Variants in GPM6A observed in about 807,000 individuals in gnomAD.
The protein encoded by GPM6A is glycoprotein M6A.
GPM6A carries 7 observed loss-of-function variants against 32.1 expected under a neutral mutation model. The ratio of observed to expected loss-of-function variants is 0.22; its 90% CI spans 0.12 to 0.41. The LOEUF (loss-of-function observed/expected upper bound fraction) is 0.41. Among genes scored for constraint, GPM6A ranks in the 10% least tolerant of loss-of-function variants. GPM6A has a pLI of 1.00. For missense variants in GPM6A, 235 were observed against 347.2 expected (o/e 0.68, Z 2.57); for synonymous variants, 130 against 123.4 (o/e 1.05, Z -0.35).
At chr4:175,791,509 G>C (rs1241727621) in intron 1 of GPM6A, among the ~76,000 whole-genome samples, 1 of 152,134 alleles carries the variant, frequency 6.6e-6, no homozygotes, top group Admixed American at 6.5e-5. Context: ...TGGATGTATT[G>C]TTATAAATGT....
intron 1 of GPM6A, among the ~76,000 whole-genome samples, chr4:175,756,795 G>A (rs1252270013): frequency 6.6e-6 from 1 of 152,024 alleles, no homozygotes; most frequent in Non-Finnish European, 1.5e-5. Context: ...AATACTCTAG[G>A]TGATAAGCAA....
intron 1 of GPM6A, among the ~76,000 whole-genome samples, chr4:175,702,770 C>G (rs1403066917): frequency 1.3e-5 from 2 of 152,062 alleles, no homozygotes; most frequent in African/African-American, 4.8e-5. Context: ...TGAACTTTGA[C>G]CAGCAAATAT....
chr4:175,739,350 T>A (rs1731790361), intron 1 of GPM6A, among the ~76,000 whole-genome samples: 1 of 152,274 alleles, frequency 6.6e-6, no homozygotes, highest in East Asian at 1.9e-4. Flanking sequence ...TACCTATAGA[T>A]GGAAGTTGTT....
intron 1 of GPM6A, among the ~76,000 whole-genome samples, chr4:175,835,634 T>TATATATAC (rs1553994106): frequency 6.9e-6 from 1 of 144,272 alleles, no homozygotes; most frequent in African/African-American, 2.6e-5. Flanking sequence ...TGTGTATATA[T>TATATATAC]ATATATATAT....
At chr4:175,757,665 T>C (rs1374907753) in intron 1 of GPM6A, among the ~76,000 whole-genome samples, 1 of 152,094 alleles carries the variant, frequency 6.6e-6, no homozygotes, top group Non-Finnish European at 1.5e-5. Context: ...AGAGATTGGG[T>C]AAATTGGTTT....
chr4:175,794,674 G>C (rs1734148337), intron 1 of GPM6A, among the ~76,000 whole-genome samples: 2 of 152,166 alleles, frequency 1.3e-5, no homozygotes, highest in African/African-American at 2.4e-5. Flanking sequence ...TGGAAGCCTG[G>C]AAAAAGCTTC....
At chr4:175,946,054 A>G (rs1009306782) in intron 1 of GPM6A, among the ~76,000 whole-genome samples, 1 of 152,202 alleles carries the variant, frequency 6.6e-6, no homozygotes. Flanking sequence ...GATGCTAGTT[A>G]CATTAGAAGC....
At chr4:175,696,804 C>T (rs1421276688) in intron 2 of GPM6A, among the ~76,000 whole-genome samples, 1 of 152,142 alleles carries the variant, frequency 6.6e-6, no homozygotes, top group Non-Finnish European at 1.5e-5. Context: ...TACACTCATC[C>T]ATTAAGCTGC....
chr4:175,812,733 C>A, upstream of GPM6A: 1 of 985,432 alleles, frequency 1.0e-6, no homozygotes, highest in Non-Finnish European at 1.2e-6. Context: ...ACCCGTAATT[C>A]CCCCCTTCAT....
intron 4 of GPM6A, among the ~76,000 whole-genome samples, chr4:175,648,344 G>T (rs1353506460): frequency 6.6e-6 from 1 of 152,176 alleles, no homozygotes; most frequent in African/African-American, 2.4e-5. Context: ...ACTTGTACCT[G>T]TGTTGGAGTA....
intron 1 of GPM6A, among the ~76,000 whole-genome samples, chr4:175,757,233 C>A (rs1488250263): frequency 6.6e-6 from 1 of 152,018 alleles, no homozygotes; most frequent in African/African-American, 2.4e-5. Context: ...CCCGTCTAAA[C>A]ACACACATGG....
intron 1 of GPM6A, among the ~76,000 whole-genome samples, chr4:175,895,113 A>C (rs1205909579): frequency 1.3e-5 from 2 of 152,170 alleles, no homozygotes; most frequent in African/African-American, 4.8e-5. Context: ...CAAATACTTA[A>C]AGGCAAAACA....
chr4:175,835,092 C>T lies in GPM6A; in HGVS notation c.-22-22843G>A, dbSNP rs146300848. ...CCGAACTTTACCAGATTATCTTGGG[C>T]GCTTGTTAAAAATTGCCAATTATTG... is the stretch of plus-strand genomic sequence containing the variant. On this transcript the variant is annotated intron_variant, in intron 1 of 7. Coordinates refer to the GPM6A transcript ENST00000280187. Among the ~76,000 whole-genome samples the T allele has an allele frequency of 1.6e-3, 237 of 152,244 alleles. 2 individuals are homozygous for T. The highest frequency in any genetic ancestry group is 2.8e-3 in the Non-Finnish European group (192 of 68,030).
intron 1 of GPM6A, among the ~76,000 whole-genome samples, chr4:175,869,171 A>G (rs1407771348): frequency 6.6e-6 from 1 of 152,222 alleles, no homozygotes; most frequent in South Asian, 2.1e-4. Context: ...AAATCTCGCT[A>G]TTCAAACCCA....
intron 1 of GPM6A, among the ~76,000 whole-genome samples, chr4:175,912,319 T>A (rs1738346463): frequency 6.6e-6 from 1 of 152,128 alleles, no homozygotes; most frequent in Admixed American, 6.6e-5. Flanking sequence ...AGTAGTAAGA[T>A]TTGATTTATA....
At chr4:175,666,601 T>C (rs1214768735) in intron 3 of GPM6A, among the ~76,000 whole-genome samples, 1 of 152,216 alleles carries the variant, frequency 6.6e-6, no homozygotes, top group Non-Finnish European at 1.5e-5. Flanking sequence ...AGACCATTAA[T>C]AGTCTGTGGT....
At chr4:175,867,457 G>T (rs1358843191) in intron 1 of GPM6A, among the ~76,000 whole-genome samples, 1 of 151,764 alleles carries the variant, frequency 6.6e-6, no homozygotes, top group South Asian at 2.1e-4. Context: ...TGCCTAGATT[G>T]TTTTACCTAG....
chr4:175,675,539 A>C (rs1743314833), intron 2 of GPM6A, among the ~76,000 whole-genome samples: 2 of 152,226 alleles, frequency 1.3e-5, no homozygotes, highest in Non-Finnish European at 2.9e-5. Flanking sequence ...TTCAGTGAGT[A>C]TGAAACAAAT....
chr4:175,887,935 T>C (rs1579599501), intron 1 of GPM6A, among the ~76,000 whole-genome samples: 2 of 151,936 alleles, frequency 1.3e-5, no homozygotes, highest in Non-Finnish European at 1.5e-5. Flanking sequence ...ATTTCTATTT[T>C]GTACAAGTTG....
Sources: gnomAD v4.1 joint callset for allele counts (sites outside exome capture counted in the v4.1 genomes callset) on GRCh38, gnomAD v4.1.1 for gene constraint, MANE v1.5 for transcripts, NCBI Gene and HGNC (gene_info 2026-07-23, HGNC 2026-07-21) for gene names.